The following NUDT3 variants were observed in gnomAD, a reference collection of about 807,000 sequenced individuals.
NUDT3 encodes the protein diphosphoinositol polyphosphate phosphohydrolase 1.
NUDT3 carries 9 observed loss-of-function variants against 23.6 expected under a neutral mutation model. The observed-to-expected ratio is 0.38, with a 90% CI of 0.23 to 0.66. The LOEUF (loss-of-function observed/expected upper bound fraction) is 0.66. Ranked by LOEUF, NUDT3 falls within the 30% of genes least tolerant of loss-of-function variation. The pLI is 0.52. For missense variants in NUDT3, 172 were observed against 218.5 expected (o/e 0.79, Z 1.34); for synonymous variants, 86 against 82.6 (o/e 1.04, Z -0.22).
intron 2 of NUDT3, among the ~76,000 whole-genome samples, chr6:34,320,929 G>T (rs989412426): frequency 6.6e-6 from 1 of 152,054 alleles, no homozygotes; most frequent in African/African-American, 2.4e-5. Flanking sequence ...TTACATATCA[G>T]CATGGAAAGT....
intron 2 of NUDT3, among the ~76,000 whole-genome samples, chr6:34,307,452 T>C (rs1365956567): frequency 6.6e-6 from 1 of 151,724 alleles, no homozygotes; most frequent in Non-Finnish European, 1.5e-5. Flanking sequence ...GTGGCACGCC[T>C]GTAGTCTTAG....
At chr6:34,355,592 AT>A in intron 1 of NUDT3, among the ~76,000 whole-genome samples, 1 of 147,800 alleles carries the variant, frequency 6.8e-6, no homozygotes. Context: ...TACTTCTTTT[AT>A]TTTCTAAAAA....
intron 1 of NUDT3, among the ~76,000 whole-genome samples, chr6:34,376,465 T>C (rs1764924546): frequency 6.6e-6 from 1 of 152,128 alleles, no homozygotes; most frequent in Non-Finnish European, 1.5e-5. Context: ...TTTGTAGAGA[T>C]GGGGTCTCCC....
chr6:34,351,748 A>G (rs969103034), intron 1 of NUDT3, among the ~76,000 whole-genome samples: 12 of 139,338 alleles, frequency 8.6e-5, no homozygotes, highest in African/African-American at 3.4e-4. Flanking sequence ...TCTCAAAAAA[A>G]AAAAAAAAAA....
In NUDT3 at chr6:34,368,612, C is replaced by T. The variant is rs183738903; in HGVS notation, c.99+23652G>A. On this transcript the variant is annotated intron_variant, in intron 1 of 4. Transcript: ENST00000607016. ...ACAACCTCCCAGGTTTAAGCATCAA[C>T]GTACGAAACAGTAGCTCTGCTTTTG... 3.4e-4 allele frequency among the ~76,000 whole-genome samples: 52 copies of T among 152,304 alleles called. 1 individual carries two copies. The highest frequency in any genetic ancestry group is 8.3e-4 in the South Asian group (4 of 4,828).
chr6:34,387,292 T>C (rs971021512), intron 1 of NUDT3, among the ~76,000 whole-genome samples: 5 of 152,132 alleles, frequency 3.3e-5, no homozygotes, highest in South Asian at 2.1e-4. Context: ...ATTGTTATCA[T>C]AGGAGATGAT....
intron 1 of NUDT3, among the ~76,000 whole-genome samples, chr6:34,375,929 C>T (rs1764915171): frequency 6.6e-6 from 1 of 152,106 alleles, no homozygotes; most frequent in Non-Finnish European, 1.5e-5. Flanking sequence ...GACAGTGCTT[C>T]GAGTGCCATG....
chr6:34,314,431 C>T (rs1409021049), intron 2 of NUDT3, among the ~76,000 whole-genome samples: 1 of 148,256 alleles, frequency 6.7e-6, no homozygotes, highest in Non-Finnish European at 1.5e-5. Context: ...TGGTGGTATG[C>T]GCCTGCAGTC....
chr6:34,347,302 G>T (rs464553), intron 1 of NUDT3, among the ~76,000 whole-genome samples: 51,164 of 152,112 alleles, frequency 0.34, 10,491 homozygotes, highest in African/African-American at 0.54. Flanking sequence ...GAACTGGAGA[G>T]GAAGAGATTA....
At position 34,292,076 on chromosome 6, in the gene NUDT3, A is replaced by T. The variant is rs923002876; in HGVS notation, c.340+1375T>A. On this transcript the variant is annotated intron_variant, in intron 4 of 4. Coordinates refer to ENST00000607016, the MANE Select transcript of NUDT3 (RefSeq NM_006703.4). ...AATGGTACCTAAAAAAATTAGTATC[A>T]CAAGTGTATGACTCCTGCCTGACAG... Among the ~76,000 whole-genome samples the T allele has an allele frequency of 2.6e-5, 4 of 152,232 alleles. No homozygotes were observed. The East Asian group carries it at 7.7e-4, about 29-fold the overall frequency.
rs890468875 is a variant in NUDT3 at position 34,281,438 on chromosome 6, C to A, written c.*7315G>T. 1 of 152,210 alleles carries A rather than the reference C, an allele frequency of 6.6e-6. No individual in the cohort carries two copies. The highest frequency in any genetic ancestry group is 1.5e-5 in the Non-Finnish European group (1 of 68,036). 9.4% of individuals were successfully genotyped at this position (152,210 alleles called of 1,614,324 possible). ...ACAGTTCTCAACAACCTGAAATATT[C>A]TTGACTTCCTTAAGCACATGGAAAA... On this transcript the variant is annotated 3_prime_UTR_variant, in exon 5 of 5. Transcript: ENST00000607016.
chr6:34,360,675 G>A (rs866568119), intron 1 of NUDT3, among the ~76,000 whole-genome samples: 15 of 152,086 alleles, frequency 9.9e-5, no homozygotes, highest in Middle Eastern at 3.4e-3. Context: ...TTATTCTCTC[G>A]CCCTCCGCCA....
At chr6:34,318,723 T>TA (rs201578388) in intron 2 of NUDT3, among the ~76,000 whole-genome samples, 2 of 151,874 alleles carry the variant, frequency 1.3e-5, no homozygotes, top group Admixed American at 6.6e-5. Flanking sequence ...CATGTTTCTT[T>TA]AAAAAAAATT....
chr6:34,328,143 TC>T (rs1764070449), intron 2 of NUDT3, among the ~76,000 whole-genome samples: 1 of 152,200 alleles, frequency 6.6e-6, no homozygotes, highest in Non-Finnish European at 1.5e-5. Flanking sequence ...GTCTCTTGCC[TC>T]GGCACCTGGG....
At chr6:34,339,223 T>G (rs947348291) in intron 2 of NUDT3, among the ~76,000 whole-genome samples, 1 of 152,244 alleles carries the variant, frequency 6.6e-6, no homozygotes, top group Non-Finnish European at 1.5e-5. Context: ...GTGCTTTGTA[T>G]TGGGGATATC....
At chr6:34,352,487 A>G (rs1303670945) in intron 1 of NUDT3, among the ~76,000 whole-genome samples, 1 of 152,190 alleles carries the variant, frequency 6.6e-6, no homozygotes, top group African/African-American at 2.4e-5. Context: ...TTATTTTAAT[A>G]AACAAAGCCA....
intron 2 of NUDT3, among the ~76,000 whole-genome samples, chr6:34,327,866 G>C (rs1764065933): frequency 6.6e-6 from 1 of 152,162 alleles, no homozygotes. Context: ...GAGCCCTCAA[G>C]CGGCCCTTAT....
intron 2 of NUDT3, among the ~76,000 whole-genome samples, chr6:34,317,132 C>G (rs185293022): frequency 1.3e-5 from 2 of 152,216 alleles, no homozygotes; most frequent in Non-Finnish European, 1.5e-5. Context: ...GGTTAAGTAA[C>G]TTAAAGGATG....
At chr6:34,389,235 G>A (rs1188371951) in intron 1 of NUDT3, among the ~76,000 whole-genome samples, 1 of 152,146 alleles carries the variant, frequency 6.6e-6, no homozygotes, top group East Asian at 1.9e-4. Context: ...TCCCCCATGC[G>A]GTTCTCATGC....
Sources: allele counts gnomAD v4.1 joint callset (sites outside exome capture counted in the v4.1 genomes callset), GRCh38; gene constraint gnomAD v4.1.1; transcripts MANE v1.5; gene names NCBI Gene and HGNC (gene_info 2026-07-23, HGNC 2026-07-21).